Variants in MAP2 observed in about 807,000 individuals in gnomAD.
MAP2 encodes the protein microtubule-associated protein 2.
Under a neutral mutation model 137.6 loss-of-function variants are expected in MAP2, and 14 were observed. The observed-to-expected ratio is 0.10, with a 90% CI of 0.07 to 0.16. The LOEUF (loss-of-function observed/expected upper bound fraction) is 0.16, where lower values mean the gene tolerates loss of function less well. MAP2 is among the 10% of genes least tolerant of loss of function. The pLI is 1.00. For missense variants in MAP2, 2,088 were observed against 2,191.5 expected (o/e 0.95, Z 0.94); for synonymous variants, 786 against 782.3 (o/e 1.00, Z -0.08).
At position 209,555,032 on chromosome 2, in the gene MAP2, G is replaced by A. The variant is rs984890623; in HGVS notation, c.-171-25004G>A. Among the ~76,000 whole-genome samples the A allele has an allele frequency of 2.7e-5, 4 of 150,846 alleles. No individual in the cohort carries two copies. The East Asian group carries it at 5.8e-4, about 22-fold the overall frequency. On this transcript the variant is annotated intron_variant, in intron 2 of 15. Transcript: ENST00000682079. ...GTGTCAGAATTTTAGGGGAGGCATCGAATGGGCAAATATAATCATAAATCC... is the reference window on the plus strand; with the variant it reads ...GTGTCAGAATTTTAGGGGAGGCATCAAATGGGCAAATATAATCATAAATCC...
Position 209,540,735 on chromosome 2 carries a change from T to C in MAP2, c.-172+33094T>C, listed in dbSNP as rs144111690. ...ATTGACTAAATATATATAGGGTTGT[T>C]AAGTAATAGTCCTAAATACTCCAAA... On this transcript the variant is annotated intron_variant, in intron 2 of 15. Coordinates refer to ENST00000682079, the MANE Select transcript of MAP2 (RefSeq NM_001375505.1). Among the ~76,000 whole-genome samples the C allele has an allele frequency of 4.7e-4, 70 of 149,486 alleles. 4 individuals are homozygous for C. Among genetic ancestry groups the C allele is most frequent in the African/African-American group, 1.7e-3 (67 of 39,472 alleles).
At chr2:209,501,806 T>G (rs2060414261) in intron 1 of MAP2, among the ~76,000 whole-genome samples, 1 of 151,178 alleles carries the variant, frequency 6.6e-6, no homozygotes, top group Non-Finnish European at 1.5e-5. Context: ...AAAAAAAAAG[T>G]TCCAGGGAGT....
chr2:209,581,337 G>A (rs1428190665), intron 3 of MAP2, among the ~76,000 whole-genome samples: 1 of 152,124 alleles, frequency 6.6e-6, no homozygotes, highest in African/African-American at 2.4e-5. Flanking sequence ...TTTTTGAACA[G>A]GAGAATGAAT....
rs1363237286 is a variant in MAP2 at position 209,693,584 on chromosome 2, A to G, written c.1414A>G (p.Ile472Val). 1 of 1,613,812 alleles carries G rather than the reference A, an allele frequency of 6.2e-7. No individual in the cohort carries two copies. Among genetic ancestry groups the G allele is most frequent in the African/African-American group, 1.3e-5 (1 of 75,022 alleles). ...AAAACCTGCAGATGAAGAAATAGGC[A>G]TAATTCAGACCTCCACAGAGCACAC... ...PPKPADEEIGIIQTSTEHTFS... is the reference protein window; with the variant it reads ...PPKPADEEIGVIQTSTEHTFS... Residue 472 changes from isoleucine to valine, a missense_variant, in exon 8 of 16, where the codon ATA becomes GTA. Coordinates refer to ENST00000682079, the MANE Select transcript of MAP2 (RefSeq NM_001375505.1).
chr2:209,570,694 T>C (rs998343769), intron 2 of MAP2, among the ~76,000 whole-genome samples: 3 of 152,018 alleles, frequency 2.0e-5, no homozygotes, highest in East Asian at 3.9e-4. Flanking sequence ...TTTATGACAT[T>C]ATGTGCTTGT....
At chr2:209,718,009 C>A (rs2153792700) in intron 13 of MAP2, among the ~76,000 whole-genome samples, 1 of 152,214 alleles carries the variant, frequency 6.6e-6, no homozygotes, top group East Asian at 1.9e-4. Context: ...AAATTTATTA[C>A]AAGGCTTTTG....
At chr2:209,659,758 A>C (rs1008438482) in intron 5 of MAP2, among the ~76,000 whole-genome samples, 2 of 151,704 alleles carry the variant, frequency 1.3e-5, no homozygotes, top group Non-Finnish European at 2.9e-5. Context: ...CTGATCACAG[A>C]CCGGGCGTGG....
At chr2:209,476,256 A>G (rs1214408800) in intron 1 of MAP2, among the ~76,000 whole-genome samples, 1 of 152,158 alleles carries the variant, frequency 6.6e-6, no homozygotes, top group Non-Finnish European at 1.5e-5. Context: ...AAGAAGATCT[A>G]TTGACCTCTG....
chr2:209,724,703 TTGC>T (rs1327519767), intron 13 of MAP2, among the ~76,000 whole-genome samples: 2 of 152,214 alleles, frequency 1.3e-5, no homozygotes, highest in Non-Finnish European at 2.9e-5. Flanking sequence ...ATAGCAATGT[TTGC>T]TGGCCCCCTT....
At chr2:209,647,359 G>A (rs533222829) in intron 4 of MAP2, among the ~76,000 whole-genome samples, 1 of 152,096 alleles carries the variant, frequency 6.6e-6, no homozygotes, top group South Asian at 2.1e-4. Context: ...ATCAAAATGA[G>A]GCAAAGTACT....
At chr2:209,645,803 A>T (rs1411706040) in intron 4 of MAP2, among the ~76,000 whole-genome samples, 1 of 152,256 alleles carries the variant, frequency 6.6e-6, no homozygotes, top group South Asian at 2.1e-4. Context: ...GACTTAGAAT[A>T]AAGTAAATAC....
intron 1 of MAP2, among the ~76,000 whole-genome samples, chr2:209,425,484 C>T (rs1553534048): frequency 6.6e-6 from 1 of 151,786 alleles, no homozygotes; most frequent in South Asian, 2.1e-4. Context: ...TAGTGCAAAA[C>T]AAAAAAATAT....
intron 3 of MAP2, among the ~76,000 whole-genome samples, chr2:209,623,945 A>G (rs1408672504): frequency 3.3e-5 from 5 of 152,324 alleles, no homozygotes; most frequent in East Asian, 1.9e-4. Context: ...GCTGCTGCAC[A>G]TTGTGTGTAA....
chr2:209,675,824 C>CCTAAAAATA (rs940992700), intron 5 of MAP2, among the ~76,000 whole-genome samples: 28 of 151,432 alleles, frequency 1.8e-4, no homozygotes, highest in African/African-American at 6.3e-4. Flanking sequence ...ACTCTCAGAC[C>CCTAAAAATA]CTAAAAATAT....
At chr2:209,427,312 A>G (rs1173416066) in intron 1 of MAP2, among the ~76,000 whole-genome samples, 1 of 152,128 alleles carries the variant, frequency 6.6e-6, no homozygotes, top group Non-Finnish European at 1.5e-5. Flanking sequence ...TAGTAAATGC[A>G]TGAACCTGAA....
chr2:209,733,983 A>C lies in MAP2; in HGVS notation c.*3586A>C, dbSNP rs2076123556. The C allele has an allele frequency of 1.3e-5, 2 of 152,586 alleles. No homozygotes were observed. Among genetic ancestry groups the C allele is most frequent in the African/African-American group, 2.4e-5 (1 of 41,432 alleles). The allele number at this position is 152,586 out of a possible 1,614,324, so 9.5% of individuals were successfully genotyped here. ...GGTTTCTTTCTTCTGATAATTCTAG[A>C]GCCTGTTACCATAGAAAGGCATTTC... On this transcript the variant is annotated 3_prime_UTR_variant, in exon 16 of 16. Coordinates refer to ENST00000682079, the MANE Select transcript of MAP2 (RefSeq NM_001375505.1).
At chr2:209,532,674 C>T (rs1300721039) in intron 2 of MAP2, among the ~76,000 whole-genome samples, 1 of 152,166 alleles carries the variant, frequency 6.6e-6, no homozygotes, top group Non-Finnish European at 1.5e-5. Context: ...TTAGTGTTGT[C>T]CCACTAAGTC....
chr2:209,546,446 A>G (rs1330305218), intron 2 of MAP2, among the ~76,000 whole-genome samples: 1 of 152,200 alleles, frequency 6.6e-6, no homozygotes, highest in East Asian at 1.9e-4. Context: ...TGTCATAGAG[A>G]TAATGTCTGT....
At chr2:209,636,140 C>A (rs2093542367) in intron 4 of MAP2, among the ~76,000 whole-genome samples, 1 of 152,098 alleles carries the variant, frequency 6.6e-6, no homozygotes, top group Non-Finnish European at 1.5e-5. Context: ...TCAGTAATTA[C>A]TACAGAAGGC....
Sources: gnomAD v4.1 joint callset for allele counts (sites outside exome capture counted in the v4.1 genomes callset) on GRCh38, gnomAD v4.1.1 for gene constraint, MANE v1.5 for transcripts, NCBI Gene and HGNC (gene_info 2026-07-23, HGNC 2026-07-21) for gene names.